The following TTN variants were observed in gnomAD, a reference collection of about 807,000 sequenced individuals.
TTN encodes connectin.
In TTN, 1,525 loss-of-function variants were observed where a neutral mutation model predicts 3,223.0. The ratio of observed to expected loss-of-function variants is 0.47; its 90% CI spans 0.45 to 0.49. The LOEUF (loss-of-function observed/expected upper bound fraction) is 0.49. Among genes scored for constraint, TTN ranks in the 20% least tolerant of loss-of-function variants. The pLI, the probability that TTN is intolerant of heterozygous loss-of-function variation, is 0.00. For synonymous variants in TTN, 14,094 were observed against 15,161.0 expected (o/e 0.93, Z 5.17); for missense variants, 40,786 against 43,424.0 (o/e 0.94, Z 5.40).
intron 112 of TTN, among the ~76,000 whole-genome samples, 161 bp downstream of exon 112, chr2:178,698,682 G>A (rs1297325278): frequency 6.6e-6 from 1 of 152,096 alleles, no homozygotes; most frequent in Non-Finnish European, 1.5e-5. Context: ...GGAGTTGAGA[G>A]AGTGAGGACT....
chr2:178,757,549 A>G lies in TTN; in HGVS notation c.10671T>C (p.Thr3557=). The stretch of plus-strand genomic sequence containing the variant: ...AAGCAAGATGGGCTTTACCTTTTGG[A>G]GTCACTGTGAGTGTAGCTGCACAAG... The part of the protein sequence containing the change: ...EATCAATLTV[T]PKVQALDRQS... Residue 3557 remains threonine (T), a synonymous_variant, in exon 45 of 363, where the codon ACT becomes ACC. Transcript: ENST00000589042. The G allele has an allele frequency of 6.4e-7, 1 of 1,560,752 alleles. No homozygotes were observed.
At position 178,561,055 on chromosome 2, in the gene TTN, C is replaced by G. The variant is rs773774387; in HGVS notation, c.85077G>C (p.Met28359Ile). 6.2e-7 allele frequency: 1 copy of G among 1,613,710 alleles called. No homozygotes were observed. The highest frequency in any genetic ancestry group is 1.3e-5 in the African/African-American group (1 of 74,902). The change falls in exon 326 of 363, where the codon ATG (methionine) becomes ATC (isoleucine). Residue 28359 changes from methionine to isoleucine, a missense_variant. Physicochemically the swap from Met to Ile is conservative, Grantham distance 10. Coordinates refer to ENST00000589042, the MANE Select transcript of TTN (RefSeq NM_001267550.2). ...CAATAACGTCTCGGAACTTGACATC[C>G]ATCATAACTCTTGGAGGCTCAACAT... Reference protein sequence around the residue: ...KDDVEPPRVMMDVKFRDVIVV... With the variant: ...KDDVEPPRVMIDVKFRDVIVV...
In TTN at chr2:178,573,545, C is replaced by T. The variant is rs200317412; in HGVS notation, c.72587G>A (p.Arg24196His). The T allele has an allele frequency of 1.2e-4, 184 of 1,496,218 alleles. 2 individuals are homozygous for T. In the African/African-American group the frequency reaches 2.1e-3, roughly 17 times the overall value. The allele number at this position is 1,496,218 out of a possible 1,614,324, so 92.7% of individuals were successfully genotyped here. ...KLLKGNEYIF[R>H]VMAVNKYGVG... ...TCCATATTTATTTACAGCCATGACA[C>T]GGAATATGTATTCATTGCCTTTCAA... Residue 24196 changes from arginine to histidine, a missense_variant, in exon 326 of 363, where the codon CGT becomes CAT. Coordinates refer to ENST00000589042, the MANE Select transcript of TTN (RefSeq NM_001267550.2).
chr2:178,697,031 A>C (rs1433102980), intron 113 of TTN, 90 bp downstream of exon 113: 9 of 1,177,690 alleles, frequency 7.6e-6, no homozygotes, highest in Non-Finnish European at 1.1e-5. Flanking sequence ...ACTTTCAATA[A>C]GTTGGAAGCC....
At chr2:178,667,548 A>G in intron 160 of TTN, 23 bp from the exon 161 acceptor site, 1 of 1,584,344 alleles carries the variant, frequency 6.3e-7, no homozygotes, top group African/African-American at 1.4e-5. Context: ...GAGTATAGTT[A>G]TATTTATAAA....
Position 178,704,313 on chromosome 2 carries a change from A to G in TTN, c.30057T>C (p.Ser10019=), listed in dbSNP as rs1235978269. The change falls in exon 106 of 363, where the codon TCT becomes TCC. Residue 10019 remains serine (S), a synonymous_variant. Coordinates refer to ENST00000589042, the MANE Select transcript of TTN (RefSeq NM_001267550.2). ...TCQFSVPNVK[S]EWFRNGRILK... is the part of the protein sequence containing the mutation. ...GGATTCTGCCATTTCTGAACCATTC[A>G]GATTTTACATTTGGTACAGAAAATT... 6.2e-7 allele frequency: 1 copy of G among 1,613,898 alleles called. No individual in the cohort carries two copies. The highest frequency in any genetic ancestry group is 8.5e-7 in the Non-Finnish European group (1 of 1,179,900).
In TTN at chr2:178,802,217, T is replaced by C. The variant is rs2094104663; in HGVS notation, c.216A>G (p.Lys72=). 6.2e-7 allele frequency: 1 copy of C among 1,614,128 alleles called. No individual in the cohort carries two copies. The highest frequency in any genetic ancestry group is 8.5e-7 in the Non-Finnish European group (1 of 1,179,982). ...RAKLTIPAVT[K]ANSGRYSLKA... ...TCAGGGAATATCGTCCACTGTTGGC[T>C]TTAGTCACGGCGGGGATCGTCAGTT... The change falls in exon 3 of 363, where the codon AAA becomes AAG. Residue 72 remains lysine (K), a synonymous_variant. Coordinates refer to ENST00000589042, the MANE Select transcript of TTN (RefSeq NM_001267550.2).
At chr2:178,770,751 T>C (rs1019090590) in intron 34 of TTN, 76 bp from the exon 35 acceptor site, 1 of 1,536,320 alleles carries the variant, frequency 6.5e-7, no homozygotes, top group Non-Finnish European at 8.9e-7. Flanking sequence ...ACAAGATCAT[T>C]GCTTACTCAC....
Position 178,680,295 on chromosome 2 carries a change from T to G in TTN, c.33377A>C (p.Lys11126Thr), listed in dbSNP as rs760742068. 5.0e-6 allele frequency: 8 copies of G among 1,611,872 alleles called. No individual in the cohort carries two copies. The highest frequency in any genetic ancestry group is 6.8e-6 in the Non-Finnish European group (8 of 1,179,066). Residue 11126 changes from lysine to threonine, a missense_variant, in exon 139 of 363, where the codon AAA (lysine) becomes ACA (threonine). Physicochemically the swap from Lys to Thr is moderately conservative, Grantham distance 78 (BLOSUM62 -1). Transcript: ENST00000589042. ...MKPKRVVAEE[K>T]VPVPRKEVAP... The stretch of plus-strand genomic sequence containing the variant: ...TACTTCTTTTCTAGGGACAGGTACT[T>G]TTTCTTCTGCGACAACCCTCTTGGG...
Position 178,783,708 on chromosome 2 carries a change from T to C in TTN, c.2841+12A>G, listed in dbSNP as rs1212439262. ...ATGAATAGGGTCCAGCATTATCAAC[T>C]TCTTTACTCACCGAGACCAAAGTTG... On this transcript the variant is annotated intron_variant, in intron 17 of 362. Coordinates refer to ENST00000589042, the MANE Select transcript of TTN (RefSeq NM_001267550.2). 3.1e-6 allele frequency: 5 copies of C among 1,610,024 alleles called. No individual in the cohort carries two copies. The highest frequency in any genetic ancestry group is 3.4e-6 in the Non-Finnish European group (4 of 1,176,622).
chr2:178,595,889 ACAAAAATGT>A, intron 294 of TTN, 80 bp from the exon 295 acceptor site: 1 of 1,396,300 alleles, frequency 7.2e-7, no homozygotes, highest in Non-Finnish European at 9.7e-7. Context: ...TTAAAAGGAG[ACAAAAATGT>A]TGTTTTGAAG....
chr2:178,696,623 T>C (rs2073774590), intron 113 of TTN, among the ~76,000 whole-genome samples: 1 of 152,106 alleles, frequency 6.6e-6, no homozygotes, highest in Non-Finnish European at 1.5e-5. Flanking sequence ...TTATATTTCA[T>C]ATTTATACAG....
Position 178,563,512 on chromosome 2 carries a change from A to G in TTN, c.82620T>C (p.Tyr27540=). ...CATTTTCAGCAGCAACTCTGAATTC[A>G]TAGGAATGGCCTTCGGTAAGACCAG... The part of the protein sequence containing the change: ...RVTGLTEGHS[Y]EFRVAAENAA... Residue 27540 remains tyrosine (Y), a synonymous_variant, in exon 326 of 363, where the codon TAT becomes TAC. Coordinates refer to ENST00000589042, the MANE Select transcript of TTN (RefSeq NM_001267550.2). The surrounding 1 kb of genome is among the most constrained non-coding windows in gnomAD (Gnocchi z 4.5). 3 of 1,613,786 alleles carry G rather than the reference A, an allele frequency of 1.9e-6. No individual in the cohort carries two copies. Among genetic ancestry groups the G allele is most frequent in the Non-Finnish European group, 1.7e-6 (2 of 1,179,752 alleles).
At chr2:178,650,899 C>T (rs1402360306) in intron 208 of TTN, 65 bp from the exon 209 acceptor site, 4 of 1,482,356 alleles carry the variant, frequency 2.7e-6, no homozygotes, top group East Asian at 2.5e-5. Flanking sequence ...TATACCACAT[C>T]GACTTCACAT....
intron 312 of TTN, 129 bp from the exon 313 acceptor site, chr2:178,583,356 AT>A: frequency 9.8e-7 from 1 of 1,016,328 alleles, no homozygotes; most frequent in East Asian, 2.8e-5. Context: ...CATTTTGTTT[AT>A]TTTTAATAGA....
intron 8 of TTN, 114 bp from the exon 9 acceptor site, chr2:178,793,655 C>T (rs2093627407): frequency 6.8e-7 from 1 of 1,470,096 alleles, no homozygotes; most frequent in Non-Finnish European, 9.3e-7. Flanking sequence ...CAAAAATTAG[C>T]TGGGTGTGGT....
chr2:178,569,839 A>G lies in TTN; in HGVS notation c.76293T>C (p.Tyr25431=), dbSNP rs763605078. The change falls in exon 326 of 363, where the codon TAT becomes TAC. Residue 25431 remains tyrosine (Y), a synonymous_variant. Coordinates refer to ENST00000589042, the MANE Select transcript of TTN (RefSeq NM_001267550.2). The part of the protein sequence containing the change: ...SVFLSWSKPI[Y]DGGCEIQGYI... ...ATCCTTGAATTTCACAGCCACCATCATATATTGGTTTGCTCCAAGAAAGGA... is the reference window on the plus strand; with the variant it reads ...ATCCTTGAATTTCACAGCCACCATCGTATATTGGTTTGCTCCAAGAAAGGA... 6.2e-7 allele frequency: 1 copy of G among 1,613,486 alleles called. No homozygotes were observed.
At position 178,671,084 on chromosome 2, in the gene TTN, A is replaced by G. The variant is rs2066882737; in HGVS notation, c.35308+6T>C. 2 of 1,598,534 alleles carry G rather than the reference A, an allele frequency of 1.3e-6. No homozygotes were observed. The highest frequency in any genetic ancestry group is 1.7e-6 in the Non-Finnish European group (2 of 1,173,908). On this transcript the variant is annotated splice_donor_region_variant and intron_variant, in intron 156 of 362. Coordinates refer to ENST00000589042, the MANE Select transcript of TTN (RefSeq NM_001267550.2). ...GTTAAGTAGTAATTTTTCACAAAGAAGATACCTTTAGCTGGTGGCTCTTTT... is the reference window on the plus strand; with the variant it reads ...GTTAAGTAGTAATTTTTCACAAAGAGGATACCTTTAGCTGGTGGCTCTTTT...
Position 178,705,033 on chromosome 2 carries a change from T to C in TTN, c.29605-67A>G. Reference sequence around the variant, plus strand: ...ATTTGATTTAGAGGACGCATGACTATATTCAGCTTCCATTCTGGATGCTGG... The same window carrying C: ...ATTTGATTTAGAGGACGCATGACTACATTCAGCTTCCATTCTGGATGCTGG... On this transcript the variant is annotated intron_variant, in intron 103 of 362. Transcript: ENST00000589042. The C allele has an allele frequency of 6.9e-6, 11 of 1,585,590 alleles. No individual in the cohort carries two copies. The South Asian group carries it at 1.0e-4, about 15-fold the overall frequency.
Sources: gnomAD v4.1 joint callset for allele counts (sites outside exome capture counted in the v4.1 genomes callset) on GRCh38, gnomAD v4.1.1 for gene constraint, Gnocchi (gnomAD v3.1) non-coding constraint, MANE v1.5 for transcripts, NCBI Gene and HGNC (gene_info 2026-07-23, HGNC 2026-07-21) for gene names.